Variants in NCOR1 observed in about 807,000 individuals in gnomAD.
The protein encoded by NCOR1 is protein phosphatase 1, regulatory subunit 109.
NCOR1 carries 63 observed loss-of-function variants against 288.1 expected under a neutral mutation model. The ratio of observed to expected loss-of-function variants is 0.22; its 90% confidence interval spans 0.18 to 0.27. The LOEUF is 0.27. NCOR1 is among the 10% of genes least tolerant of loss of function. The probability of loss-of-function intolerance (pLI) is 1.00; values close to 1 mark genes in which losing one functional copy is unlikely to be tolerated. For missense variants in NCOR1, 2,397 were observed against 3,019.2 expected (o/e 0.79, Z 4.83); for synonymous variants, 1,007 against 1,065.9 (o/e 0.94, Z 1.08).
intron 3 of NCOR1, among the ~76,000 whole-genome samples, chr17:16,176,168 G>A (rs1037415043): frequency 7.2e-5 from 11 of 152,068 alleles, no homozygotes; most frequent in African/African-American, 1.9e-4. Context: ...GCAGTGAGCC[G>A]AGATCGCATC....
intron 22 of NCOR1, chr17:16,091,512 T>A: frequency 9.7e-7 from 1 of 1,031,226 alleles, no homozygotes; most frequent in Non-Finnish European, 1.2e-6. Context: ...TACACTGTAA[T>A]ACTTGAAGGT....
At chr17:16,116,541 C>T (rs1051818344) in intron 18 of NCOR1, among the ~76,000 whole-genome samples, 10 of 152,194 alleles carry the variant, frequency 6.6e-5, no homozygotes, top group Non-Finnish European at 1.3e-4. Flanking sequence ...AAGACAGCCT[C>T]ATTCACTAAT....
At chr17:16,191,643 T>C (rs923500710) in intron 2 of NCOR1, among the ~76,000 whole-genome samples, 54 of 151,576 alleles carry the variant, frequency 3.6e-4, no homozygotes, top group African/African-American at 1.2e-3. Flanking sequence ...TCCAGTGAAC[T>C]GTGGAATAAC....
At chr17:16,078,175 T>C (rs2062834643) in intron 26 of NCOR1, among the ~76,000 whole-genome samples, 2 of 152,214 alleles carry the variant, frequency 1.3e-5, no homozygotes, top group South Asian at 4.1e-4. Flanking sequence ...AGCAGCTTGG[T>C]GTAAAATAGG....
chr17:16,036,701 C>G (rs533179099), intron 44 of NCOR1, among the ~76,000 whole-genome samples: 1 of 152,206 alleles, frequency 6.6e-6, no homozygotes, highest in East Asian at 1.9e-4. Flanking sequence ...TCATCTGTGG[C>G]TTCCTCGCCT....
intron 21 of NCOR1, among the ~76,000 whole-genome samples, chr17:16,093,610 G>C (rs1037325763): frequency 6.6e-6 from 1 of 152,060 alleles, no homozygotes; most frequent in Non-Finnish European, 1.5e-5. Flanking sequence ...CTTTTTTTTA[G>C]AATCTGGTAA....
At chr17:16,053,225 C>A (rs1305354018) in intron 40 of NCOR1, among the ~76,000 whole-genome samples, 1 of 152,164 alleles carries the variant, frequency 6.6e-6, no homozygotes, top group African/African-American at 2.4e-5. Context: ...AAAGAAAGGG[C>A]ATCCAAATAG....
rs146979139 is a variant in NCOR1 at position 16,076,434 on chromosome 17, G to A, written c.3502-732C>T. Among the ~76,000 whole-genome samples the A allele has an allele frequency of 9.9e-3, 1,504 of 152,250 alleles. 23 individuals are homozygous for A. The highest frequency in any genetic ancestry group is 0.034 in the African/African-American group (1,414 of 41,530). On this transcript the variant is annotated intron_variant, in intron 26 of 45. Transcript: ENST00000268712. ...CTTGAAGATGAGGAGCATAGTGGCCGGCCATCGGAAGTTGACAACAACCAA... is the reference window on the plus strand; with the variant it reads ...CTTGAAGATGAGGAGCATAGTGGCCAGCCATCGGAAGTTGACAACAACCAA...
intron 10 of NCOR1, among the ~76,000 whole-genome samples, chr17:16,145,135 G>A (rs1051220359): frequency 4.6e-5 from 7 of 152,208 alleles, no homozygotes; most frequent in Non-Finnish European, 8.8e-5. Context: ...TCCTGACCGC[G>A]AGTGATCTGC....
At chr17:16,110,673 T>C (rs1393067812) in intron 18 of NCOR1, among the ~76,000 whole-genome samples, 1 of 152,140 alleles carries the variant, frequency 6.6e-6, no homozygotes, top group African/African-American at 2.4e-5. Flanking sequence ...GCTGTCAGCC[T>C]CTCCCAGTGA....
chr17:16,048,448 T>C (rs73981426), intron 41 of NCOR1, among the ~76,000 whole-genome samples: 2,219 of 152,198 alleles, frequency 0.015, 62 homozygotes, highest in African/African-American at 0.051. Context: ...GATAATTTAA[T>C]AATTAATAGG....
chr17:16,191,116 A>C (rs935161818), intron 2 of NCOR1, among the ~76,000 whole-genome samples: 2 of 152,246 alleles, frequency 1.3e-5, no homozygotes, highest in Admixed American at 1.3e-4. Context: ...TAAATGAATA[A>C]GGAGAAATAT....
chr17:16,035,216 G>C (rs1208975201), intron 44 of NCOR1, among the ~76,000 whole-genome samples: 1 of 152,178 alleles, frequency 6.6e-6, no homozygotes, highest in East Asian at 1.9e-4. Flanking sequence ...TGGGATGGCT[G>C]TGGCAATTTC....
In NCOR1 at chr17:16,057,497, T is replaced by C. The variant is rs781128168; in HGVS notation, c.6392+17A>G. 6 of 1,604,090 alleles carry C rather than the reference T, an allele frequency of 3.7e-6. No homozygotes were observed. The highest frequency in any genetic ancestry group is 5.1e-6 in the Non-Finnish European group (6 of 1,170,954). On this transcript the variant is annotated intron_variant, in intron 40 of 45. Transcript: ENST00000268712. ...ACTGTTGGGCAATTTATATATAATT[T>C]GGAATAAAGATCATACCTTCCCCTG... is the stretch of plus-strand genomic sequence containing the variant.
intron 1 of NCOR1, among the ~76,000 whole-genome samples, chr17:16,201,436 T>C (rs924642509): frequency 1.3e-5 from 2 of 151,642 alleles, no homozygotes; most frequent in Non-Finnish European, 2.9e-5. Flanking sequence ...CCGTCTACAC[T>C]AAAAATACAA....
At chr17:16,101,838 TAATG>T (rs748475529) in intron 19 of NCOR1, 81 bp from the exon 20 acceptor site, 3 of 1,520,536 alleles carry the variant, frequency 2.0e-6, no homozygotes, top group Middle Eastern at 1.8e-4. Context: ...AAAAATCTGA[TAATG>T]AACATGTTTC....
chr17:16,062,417 G>A, intron 35 of NCOR1, 147 bp from the exon 36 acceptor site: 1 of 856,642 alleles, frequency 1.2e-6, no homozygotes, highest in Non-Finnish European at 1.6e-6. Context: ...CTACTTTCTG[G>A]CCTTTCCAGA....
intron 6 of NCOR1, among the ~76,000 whole-genome samples, chr17:16,156,821 T>C (rs1039448217): frequency 6.6e-6 from 1 of 152,164 alleles, no homozygotes; most frequent in African/African-American, 2.4e-5. Context: ...AAATTCTCTA[T>C]TAGATCAGAT....
intron 1 of NCOR1, among the ~76,000 whole-genome samples, chr17:16,208,078 G>T (rs1600596309): frequency 9.1e-6 from 1 of 110,392 alleles, no homozygotes. Flanking sequence ...GTCTCGCTCT[G>T]TCGCTAGGCT....
Sources: allele counts gnomAD v4.1 joint callset (sites outside exome capture counted in the v4.1 genomes callset), GRCh38; gene constraint gnomAD v4.1.1; transcripts MANE v1.5; gene names NCBI Gene and HGNC (gene_info 2026-07-23, HGNC 2026-07-21).